CCDC30: variants seen among roughly 807,000 people sequenced by gnomAD.
The protein encoded by CCDC30 is coiled-coil domain-containing protein 30.
CCDC30 carries 70 observed loss-of-function variants against 100.2 expected under a neutral mutation model. That is an observed-to-expected ratio of 0.70 (90% confidence interval 0.58 to 0.85). The LOEUF (loss-of-function observed/expected upper bound fraction) is 0.85, where lower values mean the gene tolerates loss of function less well. CCDC30 is among the 40% of genes least tolerant of loss of function. The pLI is 0.00. For synonymous variants in CCDC30, 233 were observed against 269.5 expected, an observed-to-expected ratio of 0.86 and a Z score of 1.33; for missense variants, 652 against 771.2, an observed-to-expected ratio of 0.85 and a Z score of 1.83.
intron 6 of CCDC30, among the ~76,000 whole-genome samples, chr1:42,562,309 A>G (rs1645506854): frequency 6.6e-6 from 1 of 152,176 alleles, no homozygotes; most frequent in African/African-American, 2.4e-5. Flanking sequence ...CCACACATCT[A>G]CAACCATCTT....
intron 15 of CCDC30, among the ~76,000 whole-genome samples, chr1:42,650,991 C>T (rs927563565): frequency 1.3e-5 from 2 of 152,074 alleles, no homozygotes; most frequent in Non-Finnish European, 2.9e-5. Flanking sequence ...GTCCCTTCAA[C>T]AAAACGGTAT....
chr1:42,478,677 T>G (rs1643910740), intron 1 of CCDC30, among the ~76,000 whole-genome samples: 3 of 152,172 alleles, frequency 2.0e-5, no homozygotes, highest in Non-Finnish European at 4.4e-5. Context: ...GAGGATCACC[T>G]GAGCCTGGGA....
chr1:42,578,438 T>C (rs1645888892), intron 8 of CCDC30, among the ~76,000 whole-genome samples: 1 of 152,194 alleles, frequency 6.6e-6, no homozygotes, highest in South Asian at 2.1e-4. Context: ...GGGAAGTAGA[T>C]ACACAAGTCA....
intron 1 of CCDC30, among the ~76,000 whole-genome samples, chr1:42,472,303 G>A (rs1018561464): frequency 1.3e-5 from 2 of 152,036 alleles, no homozygotes; most frequent in Non-Finnish European, 2.9e-5. Flanking sequence ...TCACTTCATC[G>A]ATCAGCAGAT....
At chr1:42,473,273 T>G in intron 1 of CCDC30, 3 of 1,231,524 alleles carry the variant, frequency 2.4e-6, no homozygotes, top group Non-Finnish European at 3.0e-6. Flanking sequence ...TAGAAGAGCT[T>G]ATAGTGAAGC....
In CCDC30 at chr1:42,522,545, A is replaced by C. The variant is rs377215896; in HGVS notation, c.456+23629A>C. Among the ~76,000 whole-genome samples the C allele has an allele frequency of 2.7e-4, 41 of 152,316 alleles. No homozygotes were observed. The South Asian group carries it at 8.1e-3, about 30-fold the overall frequency. ...TACTTAAGGTTAATGTGAAAGTTAC[A>C]TTTAACATCTTAAAGTTATGATACT... On this transcript the variant is annotated intron_variant, in intron 6 of 16. Transcript: ENST00000668663.
At chr1:42,481,887 T>C (rs1236584882) in intron 2 of CCDC30, among the ~76,000 whole-genome samples, 1 of 152,150 alleles carries the variant, frequency 6.6e-6, no homozygotes, top group Non-Finnish European at 1.5e-5. Flanking sequence ...ACAGAAATAA[T>C]GTTATAGCCA....
chr1:42,606,133 C>G (rs1646497307), intron 10 of CCDC30, among the ~76,000 whole-genome samples: 1 of 152,084 alleles, frequency 6.6e-6, no homozygotes. Context: ...ACTTACAGAC[C>G]ATACATAGCG....
At chr1:42,561,676 G>C (rs1347641444) in intron 6 of CCDC30, among the ~76,000 whole-genome samples, 1 of 151,820 alleles carries the variant, frequency 6.6e-6, no homozygotes, top group Non-Finnish European at 1.5e-5. Flanking sequence ...TGTCTCTGTA[G>C]ATGACATGAT....
chr1:42,604,875 A>G (rs549672420), intron 10 of CCDC30, among the ~76,000 whole-genome samples: 2 of 152,290 alleles, frequency 1.3e-5, no homozygotes, highest in Admixed American at 6.5e-5. Flanking sequence ...AGAAGAGGCC[A>G]TTACTTTCCA....
intron 10 of CCDC30, among the ~76,000 whole-genome samples, chr1:42,609,467 G>T (rs756116136): frequency 2.0e-5 from 3 of 152,142 alleles, no homozygotes; most frequent in Non-Finnish European, 4.4e-5. Context: ...TGTGTGGGGG[G>T]TCAGTGCCCC....
chr1:42,473,028 T>C, intron 1 of CCDC30: 2 of 1,141,438 alleles, frequency 1.8e-6, no homozygotes, highest in Non-Finnish European at 2.2e-6. Flanking sequence ...AGTACTCTAA[T>C]AAGGAGACTA....
chr1:42,493,456 C>T (rs1274537838), intron 4 of CCDC30, among the ~76,000 whole-genome samples: 2 of 151,994 alleles, frequency 1.3e-5, no homozygotes, highest in Admixed American at 6.6e-5. Flanking sequence ...GGTGTGGTGG[C>T]GCATGCCTGT....
chr1:42,638,346 C>A (rs369462285), intron 12 of CCDC30, among the ~76,000 whole-genome samples: 1 of 152,190 alleles, frequency 6.6e-6, no homozygotes, highest in Non-Finnish European at 1.5e-5. Context: ...GCCTGGGCAA[C>A]ATAGAGAAGC....
At chr1:42,498,271 G>A (rs1050626292) in intron 5 of CCDC30, among the ~76,000 whole-genome samples, 2 of 152,216 alleles carry the variant, frequency 1.3e-5, no homozygotes, top group African/African-American at 4.8e-5. Context: ...CATTGCCAGT[G>A]GCTGGGGAGA....
At chr1:42,579,621 C>A (rs1050968236) in intron 8 of CCDC30, among the ~76,000 whole-genome samples, 2 of 149,852 alleles carry the variant, frequency 1.3e-5, no homozygotes, top group Non-Finnish European at 3.0e-5. Context: ...GTGACAAGAG[C>A]GAAACTCTGT....
chr1:42,654,623 C>A (rs1028804398), downstream of CCDC30: 1 of 151,758 alleles, frequency 6.6e-6, no homozygotes, highest in African/African-American at 2.4e-5. Context: ...TGCGATAGCA[C>A]CACTGCACTC....
chr1:42,644,995 A>T (rs1267519087), intron 14 of CCDC30, among the ~76,000 whole-genome samples, 188 bp downstream of exon 18: 1 of 152,158 alleles, frequency 6.6e-6, no homozygotes, highest in African/African-American at 2.4e-5. Context: ...TTGATCAGCC[A>T]GATTTTAGTA....
chr1:42,648,528 G>A (rs576205755), intron 15 of CCDC30, among the ~76,000 whole-genome samples: 6 of 152,120 alleles, frequency 3.9e-5, no homozygotes, highest in Admixed American at 1.3e-4. Context: ...AAATTAGCTG[G>A]GCGTGGTGGC....
Sources: gnomAD v4.1 joint callset for allele counts (sites outside exome capture counted in the v4.1 genomes callset) on GRCh38, gnomAD v4.1.1 for gene constraint, MANE v1.5 for transcripts, NCBI Gene and HGNC (gene_info 2026-07-23, HGNC 2026-07-21) for gene names.